Variants in LARGE1 observed in about 807,000 individuals in gnomAD.
LARGE1 encodes the protein xylosyl- and glucuronyltransferase LARGE1.
Under a neutral mutation model 87.6 loss-of-function variants are expected in LARGE1, and 43 were observed. The observed-to-expected ratio is 0.49, with a 90% CI of 0.38 to 0.63. The LOEUF is 0.63. LARGE1 is among the 30% of genes least tolerant of loss of function. LARGE1 has a pLI of 0.00. For synonymous variants in LARGE1, 434 were observed against 394.6 expected (o/e 1.10, Z -1.18); for missense variants, 802 against 1,000.2 (o/e 0.80, Z 2.67).
At chr22:33,566,946 A>G (rs1228202230) in intron 5 of LARGE1, among the ~76,000 whole-genome samples, 2 of 152,202 alleles carry the variant, frequency 1.3e-5, no homozygotes, top group Non-Finnish European at 2.9e-5. Context: ...AATTTCAAAA[A>G]AAGCATCCCC....
At chr22:33,883,277 T>C (rs956294132) in intron 1 of LARGE1, among the ~76,000 whole-genome samples, 1 of 152,158 alleles carries the variant, frequency 6.6e-6, no homozygotes, top group Non-Finnish European at 1.5e-5. Flanking sequence ...AGTTTCAGTA[T>C]TATTATTTCC....
At chr22:33,278,158 GT>G (rs1929702990) in intron 13 of LARGE1, among the ~76,000 whole-genome samples, 1 of 152,238 alleles carries the variant, frequency 6.6e-6, no homozygotes, top group South Asian at 2.1e-4. Flanking sequence ...AAGGAGCTAT[GT>G]TGGGAGCTGC....
rs371351086 is a variant in LARGE1 at position 33,510,351 on chromosome 22, C to T, written c.787+54497G>A. Among the ~76,000 whole-genome samples the T allele has an allele frequency of 3.3e-5, 5 of 152,276 alleles. No homozygotes were observed. In the East Asian group the frequency reaches 7.7e-4, roughly 24 times the overall value. ...AATCAATAACTATATGAGTTAGGAACTTTACAGATGAGGAAATTCAGCCAT... is the reference window on the plus strand; with the variant it reads ...AATCAATAACTATATGAGTTAGGAATTTTACAGATGAGGAAATTCAGCCAT... On this transcript the variant is annotated intron_variant, in intron 6 of 14. Transcript: ENST00000397394.
chr22:33,301,968 G>C (rs142245114), intron 12 of LARGE1, among the ~76,000 whole-genome samples: 1 of 152,218 alleles, frequency 6.6e-6, no homozygotes, highest in Non-Finnish European at 1.5e-5. Flanking sequence ...CTTGCACAGG[G>C]AGTAGAGACC....
At chr22:33,491,901 G>A (rs1233688511) in intron 6 of LARGE1, among the ~76,000 whole-genome samples, 2 of 152,172 alleles carry the variant, frequency 1.3e-5, no homozygotes, top group Non-Finnish European at 2.9e-5. Flanking sequence ...CCATTCCCGA[G>A]GCAGCTGAAA....
chr22:33,496,610 C>T (rs1178563075), intron 6 of LARGE1, among the ~76,000 whole-genome samples: 3 of 152,122 alleles, frequency 2.0e-5, no homozygotes, highest in Non-Finnish European at 2.9e-5. Context: ...GTTCTGTTTA[C>T]GCTATGTTGT....
At chr22:33,821,800 A>G (rs2086830267) in intron 1 of LARGE1, among the ~76,000 whole-genome samples, 1 of 152,152 alleles carries the variant, frequency 6.6e-6, no homozygotes, top group South Asian at 2.1e-4. Context: ...GAAATCTTCA[A>G]CAATCATTAT....
At position 33,273,484 on chromosome 22, in the gene LARGE1, T is replaced by C; in HGVS notation, c.*943A>G. The C allele has an allele frequency of 2.5e-6, 1 of 398,662 alleles. No homozygotes were observed. The highest frequency in any genetic ancestry group is 4.4e-6 in the Non-Finnish European group (1 of 226,068). The allele number at this position is 398,662 out of a possible 1,614,324, so 24.7% of individuals were successfully genotyped here. ...GTACCTTGTGTGTGCACTGAAGTAG[T>C]TCCTTCAAAGCCCTTTCCCATGAAT... On this transcript the variant is annotated 3_prime_UTR_variant, in exon 15 of 15. Coordinates refer to ENST00000397394, the MANE Select transcript of LARGE1 (RefSeq NM_133642.5).
the LARGE1 span, among the ~76,000 whole-genome samples, chr22:33,071,844 T>C: frequency 6.6e-6 from 1 of 152,186 alleles, no homozygotes; most frequent in Non-Finnish European, 1.5e-5. Flanking sequence ...AGATGAGGTC[T>C]CTTTAATTGG....
chr22:33,551,541 A>G (rs1415414334), intron 6 of LARGE1, among the ~76,000 whole-genome samples: 1 of 152,244 alleles, frequency 6.6e-6, no homozygotes, highest in Non-Finnish European at 1.5e-5. Context: ...GACAAGATAC[A>G]TCTAGAACAA....
chr22:33,456,136 C>T (rs567815214), intron 6 of LARGE1, among the ~76,000 whole-genome samples: 55 of 152,280 alleles, frequency 3.6e-4, no homozygotes, highest in South Asian at 2.1e-3. Flanking sequence ...CCAGGCTAGG[C>T]CCACTTGTTC....
intron 7 of LARGE1, among the ~76,000 whole-genome samples, chr22:33,403,626 G>A (rs2065997772): frequency 6.6e-6 from 1 of 151,218 alleles, no homozygotes; most frequent in African/African-American, 2.4e-5. Flanking sequence ...TTTTTGAGAC[G>A]GAGTTTCGTC....
At chr22:33,691,367 G>T (rs1201696337) in intron 2 of LARGE1, among the ~76,000 whole-genome samples, 1 of 152,088 alleles carries the variant, frequency 6.6e-6, no homozygotes, top group East Asian at 1.9e-4. Flanking sequence ...ATTAAAAATA[G>T]ATTTGTTGCT....
chr22:33,377,554 C>G (rs1569108282), intron 9 of LARGE1, among the ~76,000 whole-genome samples: 1 of 152,194 alleles, frequency 6.6e-6, no homozygotes. Context: ...GCTGACAATA[C>G]TTTAGCAGTT....
intron 11 of LARGE1, among the ~76,000 whole-genome samples, chr22:33,310,701 T>C (rs1338820240): frequency 6.6e-6 from 1 of 152,126 alleles, no homozygotes; most frequent in Non-Finnish European, 1.5e-5. Context: ...ATCGGATGTG[T>C]TGACAGAGTG....
downstream of LARGE1, among the ~76,000 whole-genome samples, chr22:33,160,900 T>C (rs1401432041): frequency 6.6e-6 from 1 of 152,246 alleles, no homozygotes; most frequent in Non-Finnish European, 1.5e-5. Flanking sequence ...AGAGTGAAGA[T>C]TTGAATTTCC....
chr22:33,104,660 G>A, the LARGE1 span, among the ~76,000 whole-genome samples: 1 of 152,200 alleles, frequency 6.6e-6, no homozygotes, highest in African/African-American at 2.4e-5. Context: ...TGTCTGACTT[G>A]GCTGAGGCCA....
chr22:33,846,993 CTG>C (rs998807336), intron 1 of LARGE1, among the ~76,000 whole-genome samples: 14 of 152,290 alleles, frequency 9.2e-5, no homozygotes, highest in Non-Finnish European at 1.9e-4. Flanking sequence ...TACTTCATGT[CTG>C]TGACCCACAC....
the LARGE1 span, among the ~76,000 whole-genome samples, chr22:33,081,182 A>G: frequency 3.3e-5 from 5 of 152,236 alleles, no homozygotes; most frequent in African/African-American, 1.2e-4. Flanking sequence ...AACGTTAACC[A>G]GGAACTGAAT....
Sources: gnomAD v4.1 joint callset for allele counts (sites outside exome capture counted in the v4.1 genomes callset) on GRCh38, gnomAD v4.1.1 for gene constraint, MANE v1.5 for transcripts, NCBI Gene and HGNC (gene_info 2026-07-23, HGNC 2026-07-21) for gene names.